The following FBXW7 variants were observed in gnomAD, a reference collection of about 807,000 sequenced individuals.
FBXW7 encodes the protein F-box/WD repeat-containing protein 7.
A neutral mutation model predicts 86.3 loss-of-function variants in FBXW7; 11 were observed. That is an observed-to-expected ratio of 0.13 (90% confidence interval 0.08 to 0.21). The LOEUF (loss-of-function observed/expected upper bound fraction) is 0.21. Ranked by LOEUF, FBXW7 falls within the 10% of genes least tolerant of loss-of-function variation. FBXW7 has a pLI of 1.00. For synonymous variants in FBXW7, 313 were observed against 297.9 expected (o/e 1.05, Z -0.52); for missense variants, 488 against 847.4 (o/e 0.58, Z 5.27).
intron 4 of FBXW7, among the ~76,000 whole-genome samples, chr4:152,367,096 G>A (rs1276099218): frequency 6.6e-6 from 1 of 152,030 alleles, no homozygotes; most frequent in African/African-American, 2.4e-5. Context: ...TGGACACAGG[G>A]CTGGGAACAT....
At chr4:152,400,207 T>C (rs1175258734) in intron 4 of FBXW7, among the ~76,000 whole-genome samples, 2 of 152,136 alleles carry the variant, frequency 1.3e-5, no homozygotes, top group African/African-American at 2.4e-5. Flanking sequence ...TTTCCGCAAA[T>C]GGTGCTGAAC....
rs532749003 is a variant in FBXW7, at chr4:152,326,331, T to C, written c.1419-100A>G. On this transcript the variant is annotated intron_variant, in intron 11 of 13. Coordinates refer to ENST00000281708, the MANE Select transcript of FBXW7 (RefSeq NM_001349798.2). ...CATGGTAGATTTAGTCAAGGTTTTT[T>C]AGCTTTTTTTTTTTTTTTTTTACAC... The C allele has an allele frequency of 3.2e-6, 3 of 939,136 alleles. No individual in the cohort carries two copies. The East Asian group carries it at 7.9e-5, about 25-fold the overall frequency. The allele number at this position is 939,136 out of a possible 1,614,324, so 58.2% of individuals were successfully genotyped here. A position where few individuals can be genotyped will look rare whatever the true frequency, so the allele number is the denominator to read the frequency against.
chr4:152,518,917 A>G (rs1748749513), intron 2 of FBXW7, among the ~76,000 whole-genome samples: 1 of 152,230 alleles, frequency 6.6e-6, no homozygotes. Context: ...TGGGTAGGGA[A>G]TAGTTCTACA....
intron 2 of FBXW7, among the ~76,000 whole-genome samples, chr4:152,468,279 C>T (rs925765398): frequency 1.3e-5 from 2 of 151,470 alleles, no homozygotes; most frequent in African/African-American, 4.9e-5. Context: ...CCACCCCATC[C>T]ATATATACTC....
intron 4 of FBXW7, among the ~76,000 whole-genome samples, chr4:152,351,966 C>T (rs1284873210): frequency 6.6e-6 from 1 of 152,018 alleles, no homozygotes; most frequent in Non-Finnish European, 1.5e-5. Flanking sequence ...CTTTTAAATA[C>T]TGTACTGTTT....
chr4:152,337,737 G>A (rs2126581521), intron 7 of FBXW7, 65 bp downstream of exon 7: 1 of 1,481,226 alleles, frequency 6.8e-7, no homozygotes, highest in Non-Finnish European at 9.2e-7. Flanking sequence ...AATGTTTAAA[G>A]GTGGTAGCTG....
intron 2 of FBXW7, among the ~76,000 whole-genome samples, chr4:152,442,989 G>A (rs1041343458): frequency 9.9e-5 from 15 of 152,182 alleles, no homozygotes; most frequent in African/African-American, 3.4e-4. Context: ...AAGGCCAGGC[G>A]CGGTGGCTCA....
At chr4:152,488,799 T>C (rs909481421) in intron 2 of FBXW7, among the ~76,000 whole-genome samples, 2 of 152,072 alleles carry the variant, frequency 1.3e-5, no homozygotes, top group Non-Finnish European at 2.9e-5. Context: ...ACTACCCATA[T>C]AATATTCTCA....
chr4:152,324,002 C>G, intron 13 of FBXW7, 182 bp downstream of exon 13: 1 of 575,588 alleles, frequency 1.7e-6, no homozygotes, highest in Non-Finnish European at 3.1e-6. Flanking sequence ...ATTAAAAACA[C>G]AGTTTAAAAC....
At chr4:152,349,230 T>C (rs975712022) in intron 5 of FBXW7, among the ~76,000 whole-genome samples, 1 of 151,896 alleles carries the variant, frequency 6.6e-6, no homozygotes, top group Admixed American at 6.6e-5. Context: ...GTCATAACCA[T>C]GAAGTTCTTA....
intron 2 of FBXW7, among the ~76,000 whole-genome samples, chr4:152,500,959 G>A (rs1408112816): frequency 6.6e-6 from 1 of 152,110 alleles, no homozygotes; most frequent in Non-Finnish European, 1.5e-5. Flanking sequence ...ACTAAGATCA[G>A]GCAGCATTAT....
In FBXW7 at chr4:152,468,943, C is replaced by T. The variant is rs1743698193; in HGVS notation, c.-119-56414G>A. 2.0e-5 allele frequency among the ~76,000 whole-genome samples: 3 copies of T among 151,990 alleles called. No homozygotes were observed. In the South Asian group the frequency reaches 6.2e-4, roughly 32 times the overall value. ...TAGTAAAAATCTGTTTAAGAGATCT[C>T]TGTGGCATCATTTGCTCCTAAAAGT... On this transcript the variant is annotated intron_variant, in intron 2 of 13. Transcript: ENST00000281708.
chr4:152,435,838 T>C (rs1374373455), intron 2 of FBXW7, among the ~76,000 whole-genome samples: 1 of 152,252 alleles, frequency 6.6e-6, no homozygotes, highest in Admixed American at 6.5e-5. Flanking sequence ...CTGTATCACA[T>C]TTTGGTAATT....
chr4:152,527,909 T>C lies in FBXW7; in HGVS notation c.-120+7032A>G, dbSNP rs544021119. ...ACACACACACACACACACATATATA[T>C]ACACACACACATACATTCTTCCAAA... On this transcript the variant is annotated intron_variant, in intron 2 of 13. Coordinates refer to ENST00000281708, the MANE Select transcript of FBXW7 (RefSeq NM_001349798.2). Among the ~76,000 whole-genome samples the C allele has an allele frequency of 1.8e-4, 27 of 149,342 alleles. No homozygotes were observed. The East Asian group carries it at 2.1e-3, about 12-fold the overall frequency.
At chr4:152,396,338 T>C (rs1044560938) in intron 4 of FBXW7, among the ~76,000 whole-genome samples, 7 of 152,034 alleles carry the variant, frequency 4.6e-5, no homozygotes, top group African/African-American at 1.4e-4. Context: ...TAACAATGAA[T>C]ATATGCATTT....
Position 152,386,924 on chromosome 4 carries a change from T to A in FBXW7, c.501+24379A>T, listed in dbSNP as rs1371184554. The stretch of plus-strand genomic sequence containing the variant: ...AAGTCCAAGCACTCCAATTCTCTTG[T>A]AACAACAATAAAAATACCATCACAG... On this transcript the variant is annotated intron_variant, in intron 4 of 13. Transcript: ENST00000281708. 5.9e-5 allele frequency among the ~76,000 whole-genome samples: 9 copies of A among 152,174 alleles called. No individual in the cohort carries two copies. The East Asian group carries it at 1.7e-3, about 29-fold the overall frequency.
At chr4:152,527,977 A>G (rs994235511) in intron 2 of FBXW7, among the ~76,000 whole-genome samples, 1 of 152,210 alleles carries the variant, frequency 6.6e-6, no homozygotes, top group East Asian at 1.9e-4. Context: ...TTTGGAACTG[A>G]TAATAAACAT....
At chr4:152,349,040 T>C (rs1015719957) in intron 5 of FBXW7, among the ~76,000 whole-genome samples, 4 of 152,048 alleles carry the variant, frequency 2.6e-5, no homozygotes, top group Non-Finnish European at 4.4e-5. Context: ...TCAAATTTCA[T>C]AAAGCAGCAT....
chr4:152,438,742 G>A (rs939515446), intron 2 of FBXW7, among the ~76,000 whole-genome samples: 33 of 152,238 alleles, frequency 2.2e-4, no homozygotes, highest in African/African-American at 6.7e-4. Context: ...AAATGGTACT[G>A]GTAAACCTAC....
Sources: allele counts gnomAD v4.1 joint callset (sites outside exome capture counted in the v4.1 genomes callset), GRCh38; gene constraint gnomAD v4.1.1; transcripts MANE v1.5; gene names NCBI Gene and HGNC (gene_info 2026-07-23, HGNC 2026-07-21).